Variants in CDKL5 observed in about 807,000 individuals in gnomAD.
The protein encoded by CDKL5 is cyclin-dependent kinase-like 5.
A neutral mutation model predicts 61.7 loss-of-function variants in CDKL5; 8 were observed. The ratio of observed to expected loss-of-function variants is 0.13; its 90% confidence interval spans 0.08 to 0.23. The LOEUF (loss-of-function observed/expected upper bound fraction) is 0.23, where lower values mean the gene tolerates loss of function less well. Among genes scored for constraint, CDKL5 ranks in the 10% least tolerant of loss-of-function variants. The pLI is 1.00. For missense variants in CDKL5, 440 were observed against 734.5 expected (o/e 0.60, Z 4.63); for synonymous variants, 275 against 272.3 (o/e 1.01, Z -0.10).
At chrX:18,493,552 A>G (rs1922063681) in intron 1 of CDKL5, among the ~76,000 whole-genome samples, 1 of 112,585 alleles carries the variant, frequency 8.9e-6, no homozygotes, top group Admixed American at 9.4e-5. Context: ...GTCTTAAAGC[A>G]TTTCAAACAT....
At chrX:18,568,725 G>T (rs894872111) in intron 4 of CDKL5, among the ~76,000 whole-genome samples, 3 of 110,223 alleles carry the variant, frequency 2.7e-5, no homozygotes, top group Non-Finnish European at 5.7e-5. Flanking sequence ...ACAGGGTCTT[G>T]CTTTGTATCC....
chrX:18,519,130 G>T (rs771022059), intron 3 of CDKL5, among the ~76,000 whole-genome samples: 98 of 111,703 alleles, frequency 8.8e-4, no homozygotes, highest in African/African-American at 2.9e-3. Context: ...ATTAGGATGG[G>T]CAGGAGAACC....
intron 4 of CDKL5, among the ~76,000 whole-genome samples, chrX:18,567,492 C>T (rs1925006638): frequency 9.0e-6 from 1 of 111,709 alleles, no homozygotes; most frequent in South Asian, 3.7e-4. Flanking sequence ...TGCACTTGGT[C>T]TGAGCCATGT....
At chrX:18,642,732 GT>G (rs1199271513), downstream of CDKL5, among the ~76,000 whole-genome samples, 1 of 112,336 alleles carries the variant, frequency 8.9e-6, no homozygotes, top group African/African-American at 3.2e-5. Flanking sequence ...CTTGGAAAAT[GT>G]TTTTTTAAAA....
rs1259829326 is a variant in CDKL5 at position 18,446,650 on chromosome X, G to A, written c.-163+20955G>A. ...GTGGGAAGGTATAATACATTTTAAC[G>A]TTCTCAGTGAAGAAGGGAGTATGCT... is the stretch of plus-strand genomic sequence containing the variant. On this transcript the variant is annotated intron_variant, in intron 1 of 17. Coordinates refer to ENST00000623535, the MANE Select transcript of CDKL5 (RefSeq NM_001323289.2). 4.5e-5 allele frequency among the ~76,000 whole-genome samples: 5 copies of A among 111,559 alleles called. No homozygotes were observed. The East Asian group carries it at 1.1e-3, about 25-fold the overall frequency.
intron 1 of CDKL5, among the ~76,000 whole-genome samples, chrX:18,447,649 C>T (rs1188373075): frequency 9.1e-6 from 1 of 110,465 alleles, no homozygotes; most frequent in Non-Finnish European, 1.9e-5. Context: ...TTCTCCATGT[C>T]CTTCTCTTGT....
intron 1 of CDKL5, among the ~76,000 whole-genome samples, chrX:18,492,548 C>T (rs1922029035): frequency 9.0e-6 from 1 of 111,346 alleles, no homozygotes; most frequent in Admixed American, 9.6e-5. Context: ...AGTGAAGAAA[C>T]AGCACCTCTC....
intron 1 of CDKL5, among the ~76,000 whole-genome samples, chrX:18,456,228 C>T (rs1392745952): frequency 2.7e-5 from 3 of 109,873 alleles, no homozygotes; most frequent in Non-Finnish European, 5.7e-5. Flanking sequence ...TTAGTAGAGA[C>T]GGGGTTTCAC....
chrX:18,452,819 GTTTTTTTTTTT>G (rs757726659), intron 1 of CDKL5, among the ~76,000 whole-genome samples: 3 of 57,683 alleles, frequency 5.2e-5, no homozygotes, highest in Non-Finnish European at 9.3e-5. Context: ...TAGTTCTCAA[GTTTTTTTTTTT>G]TTTTTTTTTT....
intron 4 of CDKL5, among the ~76,000 whole-genome samples, chrX:18,567,425 G>A (rs1925004141): frequency 8.9e-6 from 1 of 111,928 alleles, no homozygotes; most frequent in African/African-American, 3.2e-5. Context: ...ATGTTTAAAA[G>A]TCTTAGTGAA....
chrX:18,462,277 G>A (rs1230424619), intron 1 of CDKL5, among the ~76,000 whole-genome samples: 1 of 110,700 alleles, frequency 9.0e-6, no homozygotes, highest in Admixed American at 9.8e-5. Context: ...ATATATGCCA[G>A]GTGAAGGGAA....
At chrX:18,618,955 C>T (rs1420799463) in intron 15 of CDKL5, among the ~76,000 whole-genome samples, 4 of 110,913 alleles carry the variant, frequency 3.6e-5, no homozygotes, top group Non-Finnish European at 7.5e-5. Context: ...GGCAACAGAG[C>T]AAGACACTGT....
At chrX:18,507,665 G>A (rs868077201) in intron 2 of CDKL5, among the ~76,000 whole-genome samples, 3 of 110,518 alleles carry the variant, frequency 2.7e-5, no homozygotes, top group Middle Eastern at 4.7e-3. Context: ...TCTGCCTCCT[G>A]GGTTCAAGCG....
intron 1 of CDKL5, among the ~76,000 whole-genome samples, chrX:18,482,125 T>A (rs1325225397): frequency 9.0e-6 from 1 of 111,628 alleles, no homozygotes; most frequent in African/African-American, 3.3e-5. Context: ...GGGCAATTTC[T>A]GCAGACTGTA....
At chrX:18,650,031 G>A in intron 20 of CDKL5, 1 of 267,678 alleles carries the variant, frequency 3.7e-6, no homozygotes, top group Admixed American at 5.1e-5. Context: ...AGGCAGAGGG[G>A]AAGGGAAAAA....
chrX:18,639,230 G>A lies in CDKL5; in HGVS notation c.*10473G>A, dbSNP rs1177543592. ...ATTTTGTGCTTAAGAGGACTCTATCGAGAGGGTTAAAAAGATCCACAGAAT... is the reference window on the plus strand; with the variant it reads ...ATTTTGTGCTTAAGAGGACTCTATCAAGAGGGTTAAAAAGATCCACAGAAT... On this transcript the variant is annotated 3_prime_UTR_variant, in exon 18 of 18. Transcript: ENST00000623535. 3.6e-5 allele frequency among the ~76,000 whole-genome samples: 4 copies of A among 112,207 alleles called. No individual in the cohort carries two copies. Among genetic ancestry groups the A allele is most frequent in the African/African-American group, 9.7e-5 (3 of 30,902 alleles).
At chrX:18,596,871 C>T (rs146369274) in intron 10 of CDKL5, among the ~76,000 whole-genome samples, 1,362 of 112,081 alleles carry the variant, frequency 0.012, 23 homozygotes, top group African/African-American at 0.042. Context: ...AAAGATTACC[C>T]GAATCATCCT....
chrX:18,651,264 T>TGTGTGTGA (rs1491242962), intron 21 of CDKL5, among the ~76,000 whole-genome samples: 5 of 69,008 alleles, frequency 7.2e-5, no homozygotes, highest in African/African-American at 2.5e-4. Context: ...TGTGTGTGTG[T>TGTGTGTGA]GAGAGAGAGA....
chrX:18,623,194 G>A (rs1926941850), intron 16 of CDKL5, among the ~76,000 whole-genome samples: 2 of 112,284 alleles, frequency 1.8e-5, no homozygotes, highest in East Asian at 2.8e-4. Context: ...ATCCTAGTTA[G>A]TTAGTATCTC....
Sources: allele counts gnomAD v4.1 joint callset (sites outside exome capture counted in the v4.1 genomes callset), GRCh38; gene constraint gnomAD v4.1.1; transcripts MANE v1.5; gene names NCBI Gene and HGNC (gene_info 2026-07-23, HGNC 2026-07-21).